Variants in UNC5D observed in about 807,000 individuals in gnomAD.
UNC5D encodes the protein unc-5 netrin receptor D, also known as netrin receptor UNC5D.
A neutral mutation model predicts 105.4 loss-of-function variants in UNC5D; 39 were observed. That is an observed-to-expected ratio of 0.37 (90% CI 0.29 to 0.48). UNC5D has a LOEUF of 0.48. Among genes scored for constraint, UNC5D ranks in the 20% least tolerant of loss-of-function variants. UNC5D has a pLI of 0.98. For missense variants in UNC5D, 991 were observed against 1,202.4 expected (o/e 0.82, Z 2.60); for synonymous variants, 452 against 450.4 (o/e 1.00, Z -0.04).
intron 1 of UNC5D, among the ~76,000 whole-genome samples, chr8:35,333,637 G>A (rs777233734): frequency 2.0e-5 from 3 of 151,948 alleles, no homozygotes; most frequent in Admixed American, 6.6e-5. Context: ...TTTCCCCCAC[G>A]CCCGGCTAAT....
intron 11 of UNC5D, among the ~76,000 whole-genome samples, chr8:35,737,123 A>ATAGT (rs1399769246): frequency 6.6e-6 from 1 of 152,122 alleles, no homozygotes; most frequent in Non-Finnish European, 1.5e-5. Context: ...GCAATAATTT[A>ATAGT]TAGTTACTCT....
At chr8:35,711,628 T>TAA (rs1827971688) in intron 8 of UNC5D, among the ~76,000 whole-genome samples, 1 of 152,162 alleles carries the variant, frequency 6.6e-6, no homozygotes, top group Admixed American at 6.5e-5. Context: ...TACTTCTGAC[T>TAA]AAGTCTCTTT....
In UNC5D at chr8:35,290,567, A is replaced by G. The variant is rs145208555; in HGVS notation, c.103+54680A>G. On this transcript the variant is annotated intron_variant, in intron 1 of 16. Coordinates refer to ENST00000404895, the MANE Select transcript of UNC5D (RefSeq NM_080872.4). ...ACAGGAAGAGTAGGTTTTAATATCT[A>G]TTGCATAGCAAGGCATCTATAGTCA... Among the ~76,000 whole-genome samples, 14 of 152,296 alleles carry G rather than the reference A, an allele frequency of 9.2e-5. No individual in the cohort carries two copies. The East Asian group carries it at 2.7e-3, about 29-fold the overall frequency.
intron 7 of UNC5D, among the ~76,000 whole-genome samples, chr8:35,705,199 C>T (rs1029130159): frequency 1.3e-5 from 2 of 152,088 alleles, no homozygotes; most frequent in African/African-American, 2.4e-5. Context: ...CTCCTGACCT[C>T]GTGATCCGCC....
At chr8:35,706,974 G>A (rs555279000) in intron 8 of UNC5D, among the ~76,000 whole-genome samples, 5 of 152,306 alleles carry the variant, frequency 3.3e-5, no homozygotes, top group African/African-American at 9.6e-5. Flanking sequence ...CTCATTAGTA[G>A]GAGATTAGAC....
chr8:35,480,965 A>G (rs1810445699), intron 1 of UNC5D, among the ~76,000 whole-genome samples: 1 of 152,172 alleles, frequency 6.6e-6, no homozygotes. Flanking sequence ...AAGTGGAGAA[A>G]TGCCAAGTGG....
At chr8:35,381,926 T>C (rs111580825) in intron 1 of UNC5D, among the ~76,000 whole-genome samples, 10 of 152,326 alleles carry the variant, frequency 6.6e-5, no homozygotes, top group African/African-American at 2.4e-4. Flanking sequence ...TCATATTAAA[T>C]CTTCATTAAC....
intron 1 of UNC5D, among the ~76,000 whole-genome samples, chr8:35,316,025 A>G (rs1043044926): frequency 1.3e-4 from 20 of 152,320 alleles, no homozygotes; most frequent in Admixed American, 5.2e-4. Context: ...CGGTCGAGCT[A>G]CATGATGGAG....
At chr8:35,783,654 C>T (rs942298283) in intron 16 of UNC5D, among the ~76,000 whole-genome samples, 1 of 152,138 alleles carries the variant, frequency 6.6e-6, no homozygotes, top group Admixed American at 6.6e-5. Flanking sequence ...TCTTTGTTAA[C>T]TGATGGAGGA....
At chr8:35,323,428 A>G (rs986670699) in intron 1 of UNC5D, among the ~76,000 whole-genome samples, 4 of 152,056 alleles carry the variant, frequency 2.6e-5, no homozygotes, top group African/African-American at 9.7e-5. Context: ...ACCATTTTTA[A>G]TGAGTTGCAA....
chr8:35,291,479 A>G lies in UNC5D; in HGVS notation c.103+55592A>G, dbSNP rs143769086. Among the ~76,000 whole-genome samples, 486 of 152,318 alleles carry G rather than the reference A, an allele frequency of 3.2e-3. 2 individuals are homozygous for G. Among genetic ancestry groups the G allele is most frequent in the African/African-American group, 0.011 (461 of 41,574 alleles). On this transcript the variant is annotated intron_variant, in intron 1 of 16. Coordinates refer to ENST00000404895, the MANE Select transcript of UNC5D (RefSeq NM_080872.4). Reference sequence around the variant, plus strand: ...CTGACCATCACTTGCTTAGTAATTCAGCACATCCATGGGCCTATGGAGCTG... The same window carrying G: ...CTGACCATCACTTGCTTAGTAATTCGGCACATCCATGGGCCTATGGAGCTG...
At chr8:35,734,813 C>G (rs967241468) in intron 11 of UNC5D, among the ~76,000 whole-genome samples, 22 of 136,730 alleles carry the variant, frequency 1.6e-4, no homozygotes, top group Admixed American at 1.6e-3. Context: ...GACGGAGTCT[C>G]GCTCTGTTGC....
chr8:35,358,441 C>T (rs924571510), intron 1 of UNC5D, among the ~76,000 whole-genome samples: 2 of 152,036 alleles, frequency 1.3e-5, no homozygotes, highest in African/African-American at 4.8e-5. Context: ...GGGAGCTGAA[C>T]AATGAGAACA....
chr8:35,755,164 G>A (rs1020917117), intron 13 of UNC5D, among the ~76,000 whole-genome samples: 2 of 151,952 alleles, frequency 1.3e-5, no homozygotes, highest in African/African-American at 2.4e-5. Context: ...TATTACACAC[G>A]AACACACACA....
intron 1 of UNC5D, among the ~76,000 whole-genome samples, chr8:35,396,646 C>A (rs1006570472): frequency 6.6e-6 from 1 of 151,988 alleles, no homozygotes; most frequent in Non-Finnish European, 1.5e-5. Flanking sequence ...TACAGGCATG[C>A]GCCATCACGC....
intron 13 of UNC5D, 79 bp from the exon 14 acceptor site, chr8:35,759,241 A>C (rs1563740218): frequency 5.3e-6 from 8 of 1,507,862 alleles, no homozygotes; most frequent in Non-Finnish European, 7.3e-6. Flanking sequence ...GGTAGTGAGC[A>C]TGTGTATCCC....
intron 4 of UNC5D, among the ~76,000 whole-genome samples, chr8:35,631,269 A>G (rs1822021466): frequency 6.6e-6 from 1 of 151,604 alleles, no homozygotes; most frequent in Non-Finnish European, 1.5e-5. Context: ...AGCCGAGATC[A>G]TGCCACTGCA....
intron 1 of UNC5D, among the ~76,000 whole-genome samples, chr8:35,264,978 C>T (rs1395377803): frequency 6.6e-6 from 1 of 152,128 alleles, no homozygotes; most frequent in Non-Finnish European, 1.5e-5. Context: ...ACAAGTAGTA[C>T]ATTGAAAACA....
At chr8:35,398,239 A>G (rs1320876305) in intron 1 of UNC5D, among the ~76,000 whole-genome samples, 1 of 152,212 alleles carries the variant, frequency 6.6e-6, no homozygotes. Flanking sequence ...CAGTCACCCT[A>G]CTAATAGGTC....
Sources: gnomAD v4.1 joint callset for allele counts (sites outside exome capture counted in the v4.1 genomes callset) on GRCh38, gnomAD v4.1.1 for gene constraint, MANE v1.5 for transcripts, NCBI Gene and HGNC (gene_info 2026-07-23, HGNC 2026-07-21) for gene names.